The following EYS variants were observed in gnomAD, a reference collection of about 807,000 sequenced individuals.
The protein encoded by EYS is protein eyes shut homolog.
EYS carries 250 observed loss-of-function variants against 282.1 expected under a neutral mutation model. The ratio of observed to expected loss-of-function variants is 0.89; its 90% CI spans 0.80 to 0.98. The LOEUF is 0.98. Ranked by LOEUF, EYS falls within the 50% of genes least tolerant of loss-of-function variation. EYS has a pLI of 0.00. For missense variants in EYS, 4,016 were observed against 3,709.0 expected, an observed-to-expected ratio of 1.08 and a Z score of -2.15; for synonymous variants, 1,355 against 1,282.9, an observed-to-expected ratio of 1.06 and a Z score of -1.20.
chr6:64,435,220 A>G (rs1774701915), intron 28 of EYS, among the ~76,000 whole-genome samples: 1 of 152,068 alleles, frequency 6.6e-6, no homozygotes, highest in Non-Finnish European at 1.5e-5. Flanking sequence ...AGTTCTTAAA[A>G]TGTTCATGTT....
chr6:63,742,984 T>C (rs1456421025), intron 41 of EYS, among the ~76,000 whole-genome samples: 1 of 152,200 alleles, frequency 6.6e-6, no homozygotes, highest in East Asian at 1.9e-4. Context: ...TCTGTATAAA[T>C]GTCCAGCAAT....
intron 1 of EYS, among the ~76,000 whole-genome samples, chr6:65,703,703 C>T (rs1416589341): frequency 2.0e-5 from 3 of 151,866 alleles, no homozygotes; most frequent in Admixed American, 2.0e-4. Context: ...AAAGAAAGCT[C>T]CTAGAAGAAA....
chr6:64,276,643 C>T (rs897138229), intron 30 of EYS, among the ~76,000 whole-genome samples: 2 of 152,066 alleles, frequency 1.3e-5, no homozygotes, highest in Non-Finnish European at 2.9e-5. Flanking sequence ...TGTAACAAGG[C>T]TTTCAAAAAG....
intron 39 of EYS, among the ~76,000 whole-genome samples, chr6:63,778,698 GTACA>G (rs984705042): frequency 6.6e-6 from 1 of 151,860 alleles, no homozygotes; most frequent in Admixed American, 6.6e-5. Context: ...ATTATTTTTA[GTACA>G]TATTTCTAGA....
At chr6:64,730,214 G>T (rs1458584654) in intron 22 of EYS, among the ~76,000 whole-genome samples, 2 of 152,136 alleles carry the variant, frequency 1.3e-5, no homozygotes, top group Admixed American at 1.3e-4. Flanking sequence ...TTCAAACAAA[G>T]CTTTGGCTCA....
At chr6:64,489,987 T>G (rs922822407) in intron 26 of EYS, among the ~76,000 whole-genome samples, 2 of 150,762 alleles carry the variant, frequency 1.3e-5, no homozygotes, top group African/African-American at 4.8e-5. Flanking sequence ...GAAAAGGCAG[T>G]CACCCAGCAA....
chr6:65,086,410 T>A (rs1774376522), intron 12 of EYS, among the ~76,000 whole-genome samples: 1 of 152,178 alleles, frequency 6.6e-6, no homozygotes, highest in Admixed American at 6.5e-5. Flanking sequence ...CTGCTGCATA[T>A]GTTTGGTCAA....
At chr6:63,935,605 G>A (rs1024522640) in intron 35 of EYS, among the ~76,000 whole-genome samples, 1 of 152,128 alleles carries the variant, frequency 6.6e-6, no homozygotes, top group African/African-American at 2.4e-5. Flanking sequence ...TAGAGGAAAG[G>A]CCACGTGAGG....
chr6:64,348,395 A>C (rs1318569687), intron 29 of EYS, among the ~76,000 whole-genome samples: 1 of 139,696 alleles, frequency 7.2e-6, no homozygotes, highest in Non-Finnish European at 1.6e-5. Flanking sequence ...GGAAGAAAGC[A>C]TTATGCAAGC....
chr6:64,121,379 T>A (rs1773584244), intron 31 of EYS, among the ~76,000 whole-genome samples: 1 of 152,186 alleles, frequency 6.6e-6, no homozygotes, highest in African/African-American at 2.4e-5. Flanking sequence ...ATATACATAT[T>A]ATTTCCATTT....
intron 6 of EYS, 22 bp downstream of exon 6, chr6:65,405,152 T>C: frequency 6.3e-7 from 1 of 1,578,772 alleles, no homozygotes; most frequent in Non-Finnish European, 8.7e-7. Context: ...ACCACTCACT[T>C]ATATGTTAGA....
At chr6:64,933,980 C>T (rs1160744624) in intron 15 of EYS, among the ~76,000 whole-genome samples, 2 of 151,486 alleles carry the variant, frequency 1.3e-5, no homozygotes, top group East Asian at 3.9e-4. Flanking sequence ...GTTGGGGGGT[C>T]AGGGGGATAG....
chr6:64,391,284 G>C (rs1270450064), intron 28 of EYS, among the ~76,000 whole-genome samples: 1 of 151,634 alleles, frequency 6.6e-6, no homozygotes, highest in Non-Finnish European at 1.5e-5. Flanking sequence ...ACGCCACAAA[G>C]ATACTCCTCG....
chr6:64,718,234 G>A (rs941339673), intron 22 of EYS, among the ~76,000 whole-genome samples: 1 of 152,130 alleles, frequency 6.6e-6, no homozygotes, highest in Non-Finnish European at 1.5e-5. Flanking sequence ...ATCCACAACA[G>A]TGCAAGCACA....
At chr6:63,790,240 G>A (rs939734812) in intron 37 of EYS, among the ~76,000 whole-genome samples, 1 of 152,182 alleles carries the variant, frequency 6.6e-6, no homozygotes, top group Non-Finnish European at 1.5e-5. Context: ...TGCTTTGTCT[G>A]TTGACTGGGC....
chr6:64,583,373 A>G (rs568921444), intron 26 of EYS, among the ~76,000 whole-genome samples: 2 of 152,320 alleles, frequency 1.3e-5, no homozygotes, highest in African/African-American at 4.8e-5. Flanking sequence ...ATTGTGTTAA[A>G]GAGTTACAGC....
chr6:64,365,398 A>G (rs187932872), intron 29 of EYS, among the ~76,000 whole-genome samples: 6 of 152,122 alleles, frequency 3.9e-5, no homozygotes, highest in Non-Finnish European at 8.8e-5. Context: ...TATCAACTAG[A>G]ACATCACCAT....
chr6:63,849,956 A>G (rs1772202514), intron 36 of EYS, among the ~76,000 whole-genome samples: 1 of 152,222 alleles, frequency 6.6e-6, no homozygotes, highest in Non-Finnish European at 1.5e-5. Context: ...TGCTAACTAG[A>G]ATAACTAGTT....
chr6:64,569,634 G>C (rs969387645), intron 26 of EYS, among the ~76,000 whole-genome samples: 26 of 151,898 alleles, frequency 1.7e-4, no homozygotes, highest in African/African-American at 5.6e-4. Flanking sequence ...CCAGCTACTC[G>C]TGAGGCTGAG....
Sources: gnomAD v4.1 joint callset for allele counts (sites outside exome capture counted in the v4.1 genomes callset) on GRCh38, gnomAD v4.1.1 for gene constraint, MANE v1.5 for transcripts, NCBI Gene and HGNC (gene_info 2026-07-23, HGNC 2026-07-21) for gene names.